The following SMAD5 variants were observed in gnomAD, a reference collection of about 807,000 sequenced individuals.
SMAD5 encodes MAD, mothers against decapentaplegic homolog 5.
A neutral mutation model predicts 43.1 loss-of-function variants in SMAD5; 9 were observed. That is an observed-to-expected ratio of 0.21 (90% CI 0.13 to 0.36). The LOEUF (loss-of-function observed/expected upper bound fraction) is 0.36, where lower values mean the gene tolerates loss of function less well. SMAD5 is among the 10% of genes least tolerant of loss of function. SMAD5 has a pLI of 1.00. For synonymous variants in SMAD5, 190 were observed against 192.4 expected (o/e 0.99, Z 0.10); for missense variants, 348 against 574.0 (o/e 0.61, Z 4.02).
At chr5:136,147,710 T>C (rs959003694) in intron 1 of SMAD5, 122 bp from the exon 2 acceptor site, 1 of 151,898 alleles carries the variant, frequency 6.6e-6, no homozygotes, top group African/African-American at 2.4e-5. Flanking sequence ...GGTTTCTAAA[T>C]GTAAAGTCCT....
chr5:136,149,436 A>C (rs1753375749), intron 2 of SMAD5, among the ~76,000 whole-genome samples: 1 of 150,912 alleles, frequency 6.6e-6, no homozygotes, highest in African/African-American at 2.4e-5. Flanking sequence ...TATTCCTACT[A>C]TCAATATATG....
At chr5:136,144,572 A>G (rs1467824415) in intron 1 of SMAD5, among the ~76,000 whole-genome samples, 1 of 151,344 alleles carries the variant, frequency 6.6e-6, no homozygotes, top group East Asian at 1.9e-4. Context: ...GGAACTAAAT[A>G]TATTACCTCT....
intron 1 of SMAD5, among the ~76,000 whole-genome samples, chr5:136,143,047 A>G (rs531967700): frequency 1.8e-4 from 27 of 152,084 alleles, no homozygotes; most frequent in South Asian, 1.2e-3. Context: ...ATGATCCTCA[A>G]TATCTACATA....
At chr5:136,142,290 T>C (rs966098537) in intron 1 of SMAD5, among the ~76,000 whole-genome samples, 2 of 152,166 alleles carry the variant, frequency 1.3e-5, no homozygotes, top group African/African-American at 4.8e-5. Context: ...TGGGAAGACT[T>C]CCCCGAAGAA....
chr5:136,138,128 A>G (rs1287405127), intron 1 of SMAD5, among the ~76,000 whole-genome samples: 1 of 152,248 alleles, frequency 6.6e-6, no homozygotes, highest in Non-Finnish European at 1.5e-5. Context: ...CATTTAGATC[A>G]GGCTCTGTTT....
chr5:136,138,892 T>C (rs1197458683), intron 1 of SMAD5, among the ~76,000 whole-genome samples: 1 of 152,194 alleles, frequency 6.6e-6, no homozygotes, highest in Non-Finnish European at 1.5e-5. Context: ...AAACCCCATG[T>C]CCAATTATTT....
Position 136,154,021 on chromosome 5 carries a change from T to C in SMAD5, c.261T>C (p.Val87=). 6.2e-7 allele frequency: 1 copy of C among 1,610,222 alleles called. No homozygotes were observed. Among genetic ancestry groups the C allele is most frequent in the Non-Finnish European group, 8.5e-7 (1 of 1,178,726 alleles). Residue 87 remains valine (V), a synonymous_variant, in exon 3 of 8, where the codon GTT becomes GTC. Transcript: ENST00000545279. ...QVSHRKGLPH[V]IYCRVWRWPD... is the part of the protein sequence containing the mutation. ...CTCACAGAAAAGGCTTACCCCATGT[T>C]ATATATTGTCGTGTTTGGCGCTGGC... is the stretch of plus-strand genomic sequence containing the variant.
chr5:136,167,266 G>A (rs1754050949), intron 5 of SMAD5, among the ~76,000 whole-genome samples: 1 of 151,722 alleles, frequency 6.6e-6, no homozygotes, highest in Non-Finnish European at 1.5e-5. Flanking sequence ...CTGTCTTTAG[G>A]AATGGGCCTC....
chr5:136,166,606 C>G (rs1277416224), intron 5 of SMAD5, among the ~76,000 whole-genome samples: 1 of 152,076 alleles, frequency 6.6e-6, no homozygotes, highest in Non-Finnish European at 1.5e-5. Context: ...GCCTGAGATT[C>G]CCCATTTACA....
intron 3 of SMAD5, among the ~76,000 whole-genome samples, chr5:136,158,429 A>G (rs997134815): frequency 6.6e-6 from 1 of 152,342 alleles, no homozygotes; most frequent in Non-Finnish European, 1.5e-5. Context: ...CGACAAGCAA[A>G]AAAAATAAAT....
intron 1 of SMAD5, among the ~76,000 whole-genome samples, chr5:136,144,077 TG>T (rs2149762110): frequency 6.6e-6 from 1 of 152,218 alleles, no homozygotes; most frequent in South Asian, 2.1e-4. Flanking sequence ...TGAAAGTGTT[TG>T]ATCACTCAGA....
At chr5:136,164,856 T>C (rs890878387) in intron 5 of SMAD5, among the ~76,000 whole-genome samples, 4 of 152,206 alleles carry the variant, frequency 2.6e-5, no homozygotes, top group South Asian at 2.1e-4. Context: ...TTAGCTCTTA[T>C]ATTAGGTCAG....
At chr5:136,171,712 T>G (rs1239252125) in intron 5 of SMAD5, among the ~76,000 whole-genome samples, 1 of 152,206 alleles carries the variant, frequency 6.6e-6, no homozygotes, top group Admixed American at 6.5e-5. Context: ...TAGATGATAT[T>G]TGGATGATAC....
At chr5:136,136,339 G>A (rs1752876756) in intron 1 of SMAD5, among the ~76,000 whole-genome samples, 1 of 151,656 alleles carries the variant, frequency 6.6e-6, no homozygotes, top group Admixed American at 6.6e-5. Context: ...CACCATACCC[G>A]GCTAATTTTT....
intron 3 of SMAD5, among the ~76,000 whole-genome samples, 162 bp from the exon 4 acceptor site, chr5:136,160,694 A>T (rs575544150): frequency 6.6e-6 from 1 of 152,194 alleles, no homozygotes; most frequent in East Asian, 1.9e-4. Context: ...TTCAGTTTTT[A>T]TGTAAATAGA....
chr5:136,160,248 C>T (rs549304407), intron 3 of SMAD5, among the ~76,000 whole-genome samples: 16 of 152,186 alleles, frequency 1.1e-4, no homozygotes, highest in Non-Finnish European at 1.9e-4. Flanking sequence ...TACTGAACAA[C>T]GTAAAACATG....
intron 6 of SMAD5, among the ~76,000 whole-genome samples, chr5:136,173,990 A>G (rs185800992): frequency 7.9e-5 from 12 of 152,016 alleles, no homozygotes; most frequent in Admixed American, 7.9e-4. Context: ...AAGAGTGCAA[A>G]AGTCTGTCAA....
At chr5:136,137,318 G>A (rs1046845263) in intron 1 of SMAD5, among the ~76,000 whole-genome samples, 1 of 142,822 alleles carries the variant, frequency 7.0e-6, no homozygotes, top group African/African-American at 2.7e-5. Context: ...TTATAGACTG[G>A]TACAATATAG....
chr5:136,141,385 G>A (rs1753077857), intron 1 of SMAD5, among the ~76,000 whole-genome samples: 1 of 152,144 alleles, frequency 6.6e-6, no homozygotes, highest in South Asian at 2.1e-4. Flanking sequence ...CCCTTTCTCT[G>A]TCTCTCTGTG....
Sources: allele counts gnomAD v4.1 joint callset (sites outside exome capture counted in the v4.1 genomes callset), GRCh38; gene constraint gnomAD v4.1.1; transcripts MANE v1.5; gene names NCBI Gene and HGNC (gene_info 2026-07-23, HGNC 2026-07-21).